POLK: variants seen among roughly 807,000 people sequenced by gnomAD.
The protein encoded by POLK is DNA polymerase kappa, also known as polymerase (DNA directed) kappa.
POLK carries 76 observed loss-of-function variants against 94.0 expected under a neutral mutation model. The ratio of observed to expected loss-of-function variants is 0.81; its 90% CI spans 0.67 to 0.98. The LOEUF (loss-of-function observed/expected upper bound fraction) is 0.98, where lower values mean the gene tolerates loss of function less well. Among genes scored for constraint, POLK ranks in the 50% least tolerant of loss-of-function variants. POLK has a pLI of 0.00. For missense variants in POLK, 954 were observed against 1,010.1 expected (o/e 0.94, Z 0.75); for synonymous variants, 349 against 325.4 (o/e 1.07, Z -0.78).
chr5:75,539,019 G>A (rs992909346), intron 1 of POLK, among the ~76,000 whole-genome samples: 5 of 152,208 alleles, frequency 3.3e-5, no homozygotes, highest in South Asian at 4.1e-4. Context: ...TGATCCACCC[G>A]CCTCAGCTTC....
chr5:75,526,804 C>A (rs1474820185), intron 1 of POLK, among the ~76,000 whole-genome samples: 1 of 152,142 alleles, frequency 6.6e-6, no homozygotes, highest in South Asian at 2.1e-4. Flanking sequence ...TGGTCTCGAA[C>A]TCCTGGCCTC....
At chr5:75,590,182 CT>C (rs1772704696) in intron 10 of POLK, among the ~76,000 whole-genome samples, 161 bp from the exon 11 acceptor site, 1 of 152,124 alleles carries the variant, frequency 6.6e-6, no homozygotes, top group South Asian at 2.1e-4. Context: ...TTATATAGAT[CT>C]TAGATGTTTT....
At position 75,596,407 on chromosome 5, in the gene POLK, C is replaced by T. The variant is rs200030625; in HGVS notation, c.1714C>T (p.Arg572Ter). Reference sequence around the variant, plus strand: ...TAAGAAGAGTTTCTTTGATAAAAAACGATCAGAAAGGAAATGGAGTCACCA... The same window carrying T: ...TAAGAAGAGTTTCTTTGATAAAAAATGATCAGAAAGGAAATGGAGTCACCA... The change falls in exon 13 of 15, where the codon CGA becomes TGA. Residue 572 changes from arginine (R) to a stop codon, truncating the protein, a stop_gained. Transcript: ENST00000241436. LOFTEE classifies it high-confidence loss of function. 478 of 1,613,504 alleles carry T rather than the reference C, an allele frequency of 3.0e-4. No individual in the cohort carries two copies. Among genetic ancestry groups the T allele is most frequent in the Non-Finnish European group, 3.9e-4 (457 of 1,179,736 alleles).
the POLK span, among the ~76,000 whole-genome samples, chr5:75,607,533 C>G: frequency 6.6e-6 from 1 of 151,532 alleles, no homozygotes; most frequent in African/African-American, 2.4e-5. Context: ...TTTCTTGCAG[C>G]TGTAGCATTC....
At chr5:75,511,328 G>A (rs539924208), upstream of POLK, 12 of 1,546,410 alleles carry the variant, frequency 7.8e-6, no homozygotes, top group South Asian at 9.5e-5. Context: ...GCTCCGGTGT[G>A]GGGGGGAGCA....
chr5:75,540,125 C>T (rs1769663999), intron 1 of POLK, among the ~76,000 whole-genome samples: 1 of 152,106 alleles, frequency 6.6e-6, no homozygotes, highest in Non-Finnish European at 1.5e-5. Context: ...GATCATTTTT[C>T]CAGGACAGGA....
At chr5:75,601,603 T>G, downstream of POLK, among the ~76,000 whole-genome samples, 1 of 152,148 alleles carries the variant, frequency 6.6e-6, no homozygotes, top group South Asian at 2.1e-4. Flanking sequence ...ACTGGCTAAG[T>G]CTTCTGGCCT....
At chr5:75,566,424 C>T (rs530712762) in intron 3 of POLK, among the ~76,000 whole-genome samples, 50 of 152,200 alleles carry the variant, frequency 3.3e-4, no homozygotes, top group Non-Finnish European at 6.8e-4. Context: ...AAAAAAAACT[C>T]CTGCAGCTAG....
chr5:75,559,617 A>G (rs2112702678), intron 3 of POLK, among the ~76,000 whole-genome samples: 1 of 141,898 alleles, frequency 7.0e-6, no homozygotes, highest in South Asian at 2.2e-4. Flanking sequence ...GCTCACTACA[A>G]CCTCCAACTA....
chr5:75,546,232 TAAAG>T (rs895591522), intron 1 of POLK, among the ~76,000 whole-genome samples: 1 of 152,136 alleles, frequency 6.6e-6, no homozygotes, highest in African/African-American at 2.4e-5. Context: ...ATTTTTACAA[TAAAG>T]AAAGCCAGAG....
At chr5:75,559,186 A>G (rs1349539197) in intron 3 of POLK, among the ~76,000 whole-genome samples, 3 of 152,192 alleles carry the variant, frequency 2.0e-5, no homozygotes, top group African/African-American at 7.2e-5. Context: ...ATGTGTTTCT[A>G]TTTTAGAGTC....
intron 1 of POLK, among the ~76,000 whole-genome samples, chr5:75,515,441 A>C (rs920312408): frequency 6.6e-6 from 1 of 152,138 alleles, no homozygotes; most frequent in Non-Finnish European, 1.5e-5. Flanking sequence ...GTGAGCCAAC[A>C]TGCCAGGCCC....
At position 75,548,479 on chromosome 5, in the gene POLK, G is replaced by A. The variant is rs1580990295; in HGVS notation, c.135+1322G>A. 3.4e-5 allele frequency among the ~76,000 whole-genome samples: 5 copies of A among 149,056 alleles called. No individual in the cohort carries two copies. In the East Asian group the frequency reaches 5.8e-4, roughly 17 times the overall value. Reference sequence around the variant, plus strand: ...CATTTATATATTATAGAATATATATGTATTAATGTGTTATGTGTATTAATG... The same window carrying A: ...CATTTATATATTATAGAATATATATATATTAATGTGTTATGTGTATTAATG... On this transcript the variant is annotated intron_variant, in intron 2 of 14. Coordinates refer to ENST00000241436, the Ensembl canonical transcript of POLK.
chr5:75,545,687 C>G (rs775025040), intron 1 of POLK, among the ~76,000 whole-genome samples: 2 of 151,436 alleles, frequency 1.3e-5, no homozygotes, highest in Non-Finnish European at 2.9e-5. Context: ...TTTTTCATTG[C>G]CTTAAGAAGG....
chr5:75,530,729 A>G (rs936943108), intron 1 of POLK, among the ~76,000 whole-genome samples: 5 of 151,238 alleles, frequency 3.3e-5, no homozygotes, highest in African/African-American at 1.2e-4. Context: ...CATTCATTAA[A>G]CACACATTTA....
intron 2 of POLK, among the ~76,000 whole-genome samples, chr5:75,550,472 A>G (rs5744595): frequency 0.36 from 54,261 of 151,894 alleles, 11,902 homozygotes; most frequent in African/African-American, 0.63. Context: ...CCAGCTACTC[A>G]GGAGGCTGAG....
intron 3 of POLK, among the ~76,000 whole-genome samples, chr5:75,556,166 C>G (rs777046599): frequency 2.0e-5 from 3 of 152,168 alleles, no homozygotes; most frequent in Non-Finnish European, 2.9e-5. Flanking sequence ...AATATCATTG[C>G]CCTCATTTGG....
At chr5:75,544,351 T>C (rs1027607580) in intron 1 of POLK, among the ~76,000 whole-genome samples, 18 of 152,042 alleles carry the variant, frequency 1.2e-4, no homozygotes, top group African/African-American at 4.3e-4. Context: ...CCCCTGTCTC[T>C]AAAAAACAAC....
At chr5:75,584,658 C>G (rs997609063) in intron 8 of POLK, 102 bp from the exon 9 acceptor site, 11 of 671,036 alleles carry the variant, frequency 1.6e-5, no homozygotes, top group Non-Finnish European at 2.4e-5. Context: ...GCAACAAGAG[C>G]GAGACTCCAT....
Sources: allele counts gnomAD v4.1 joint callset (sites outside exome capture counted in the v4.1 genomes callset), GRCh38; gene constraint gnomAD v4.1.1; transcripts MANE v1.5; gene names NCBI Gene and HGNC (gene_info 2026-07-23, HGNC 2026-07-21).